The following C2CD3 variants were observed in gnomAD, a reference collection of about 807,000 sequenced individuals.
C2CD3 encodes the protein C2 domain-containing protein 3.
A neutral mutation model predicts 234.0 loss-of-function variants in C2CD3; 148 were observed. That is an observed-to-expected ratio of 0.63 (90% confidence interval 0.55 to 0.72). The LOEUF (loss-of-function observed/expected upper bound fraction) is 0.72. Ranked by LOEUF, C2CD3 falls within the 30% of genes least tolerant of loss-of-function variation. The pLI is 0.00. For missense variants in C2CD3, 2,577 were observed against 2,811.5 expected (o/e 0.92, Z 1.89); for synonymous variants, 1,000 against 1,035.4 (o/e 0.97, Z 0.66).
chr11:74,085,309 T>C (rs895649440), intron 21 of C2CD3, among the ~76,000 whole-genome samples: 2 of 152,090 alleles, frequency 1.3e-5, no homozygotes, highest in Non-Finnish European at 2.9e-5. Flanking sequence ...GCCCATTTTT[T>C]AAATTAAATG....
At chr11:74,037,091 T>C (rs916388122) in intron 30 of C2CD3, among the ~76,000 whole-genome samples, 2 of 152,218 alleles carry the variant, frequency 1.3e-5, no homozygotes, top group Non-Finnish European at 2.9e-5. Context: ...TGTTTATTGT[T>C]CATTATTTTC....
intron 13 of C2CD3, among the ~76,000 whole-genome samples, chr11:74,104,764 T>C (rs942102135): frequency 5.3e-5 from 8 of 152,224 alleles, no homozygotes; most frequent in African/African-American, 1.9e-4. Flanking sequence ...TTCTTCGATC[T>C]GAAATCCTAA....
intron 3 of C2CD3, among the ~76,000 whole-genome samples, chr11:74,145,484 G>A (rs968211703): frequency 2.0e-5 from 3 of 151,996 alleles, no homozygotes; most frequent in Non-Finnish European, 2.9e-5. Context: ...GTATAGCTTG[G>A]AAATATTTTC....
rs562791284 is a variant in C2CD3, at chr11:74,114,527, C to T, written c.1587G>A (p.Val529=). The change falls in exon 10 of 33, where the codon GTG becomes GTA. Residue 529 remains valine (V), a synonymous_variant. Transcript: ENST00000334126. ...PEDAQTMTLS[V]DRLALLGRTH... ...TTCTACCCAAAAGGGCCAGTCTATC[C>T]ACACTTAGTGTCATCGTTTGGGCAT... 6.2e-7 allele frequency: 1 copy of T among 1,613,924 alleles called. No homozygotes were observed. Among genetic ancestry groups the T allele is most frequent in the Admixed American group, 1.7e-5 (1 of 60,002 alleles).
rs552882127 is a variant in C2CD3, at chr11:74,061,211, T to C, written c.4952-3667A>G. 9.2e-5 allele frequency among the ~76,000 whole-genome samples: 14 copies of C among 152,288 alleles called. No homozygotes were observed. In the South Asian group the frequency reaches 1.0e-3, roughly 11 times the overall value. The stretch of plus-strand genomic sequence containing the variant: ...AGTTGGAAAACACTCTTCAGAATAT[T>C]ATCCAGGAGAACTTCCCCAACCTAG... On this transcript the variant is annotated intron_variant, in intron 24 of 32. Transcript: ENST00000334126.
chr11:74,019,683 A>ATTT (rs879892933), intron 32 of C2CD3, among the ~76,000 whole-genome samples: 3 of 148,876 alleles, frequency 2.0e-5, no homozygotes, highest in African/African-American at 7.4e-5. Flanking sequence ...CAAAGGATAG[A>ATTT]TTTTTTTTTT....
chr11:74,062,001 C>T (rs1347690897), intron 24 of C2CD3, among the ~76,000 whole-genome samples: 2 of 151,872 alleles, frequency 1.3e-5, no homozygotes, highest in East Asian at 3.8e-4. Context: ...AGACTTTAAA[C>T]CAACAAAGAT....
chr11:74,091,939 A>G (rs1280808996), intron 19 of C2CD3, among the ~76,000 whole-genome samples: 2 of 152,124 alleles, frequency 1.3e-5, no homozygotes, highest in Non-Finnish European at 2.9e-5. Context: ...TTTTCATCAG[A>G]TCCTCAAAAG....
At position 74,078,618 on chromosome 11, in the gene C2CD3, A is replaced by C. The variant is rs772838376; in HGVS notation, c.4100T>G (p.Ile1367Ser). 1 of 1,614,204 alleles carries C rather than the reference A, an allele frequency of 6.2e-7. No individual in the cohort carries two copies. The highest frequency in any genetic ancestry group is 1.1e-5 in the South Asian group (1 of 91,086). Reference protein sequence around the residue: ...QKIVGGLELSISFTHRGDRER... With the variant: ...QKIVGGLELSSSFTHRGDRER... ...TCTATCTCCACGATGCGTGAAGGAA[A>C]TCGAAAGCTCCAGACCACCCACGAT... Residue 1367 changes from isoleucine (I) to serine (S), a missense_variant, in exon 23 of 33, where the codon ATT becomes AGT. Transcript: ENST00000334126.
chr11:74,111,549 T>C (rs907556414), intron 11 of C2CD3, among the ~76,000 whole-genome samples: 10 of 152,328 alleles, frequency 6.6e-5, no homozygotes, highest in Admixed American at 3.3e-4. Context: ...TTAATGTATA[T>C]GCAAATATTC....
chr11:74,019,336 T>C (rs1274522360), intron 32 of C2CD3, among the ~76,000 whole-genome samples: 2 of 152,242 alleles, frequency 1.3e-5, no homozygotes. Context: ...CAATTTTGGC[T>C]GTTTCTCCTG....
chr11:74,020,943 A>T (rs1292438053), intron 32 of C2CD3, among the ~76,000 whole-genome samples: 1 of 152,240 alleles, frequency 6.6e-6, no homozygotes, highest in Non-Finnish European at 1.5e-5. Flanking sequence ...GGAGCAAGGG[A>T]AGCAGCAGAA....
intron 7 of C2CD3, among the ~76,000 whole-genome samples, chr11:74,126,506 G>T (rs1957418422): frequency 6.6e-6 from 1 of 152,176 alleles, no homozygotes; most frequent in African/African-American, 2.4e-5. Flanking sequence ...ACTTTGGGAG[G>T]CCGAGGCCGG....
intron 32 of C2CD3, among the ~76,000 whole-genome samples, chr11:74,026,748 T>C (rs1387779759): frequency 1.3e-5 from 2 of 152,036 alleles, no homozygotes; most frequent in Non-Finnish European, 2.9e-5. Flanking sequence ...GGCAGGCAGA[T>C]CATGAGGTCA....
intron 3 of C2CD3, among the ~76,000 whole-genome samples, chr11:74,152,388 A>G (rs183095123): frequency 6.6e-6 from 1 of 152,354 alleles, no homozygotes; most frequent in Non-Finnish European, 1.5e-5. Context: ...TACTATATAA[A>G]TTAAAGTGGT....
chr11:74,078,740 C>A, intron 22 of C2CD3, 23 bp from the exon 23 acceptor site: 1 of 1,553,638 alleles, frequency 6.4e-7, no homozygotes, highest in Non-Finnish European at 8.7e-7. Flanking sequence ...AATAAAGATT[C>A]TCAATTATAG....
chr11:74,096,979 A>G (rs1010962447), intron 16 of C2CD3, among the ~76,000 whole-genome samples: 28 of 152,084 alleles, frequency 1.8e-4, no homozygotes, highest in African/African-American at 6.3e-4. Flanking sequence ...GTGAAATCCC[A>G]TCTCTACTAA....
rs748898911 is a variant in C2CD3, at chr11:74,095,282, G to C, written c.3106C>G (p.Pro1036Ala). ...ACACTGGATTGAGAGTGTTGAACTG[G>C]AAAGTAGTACTGGACATAACAATCT... ...EADCYVQYYF[P>A]VQHSQSSVLK... is the part of the protein sequence containing the mutation. Residue 1036 changes from proline (P) to alanine (A), a missense_variant, in exon 17 of 33, where the codon CCA (proline) becomes GCA (alanine). Transcript: ENST00000334126. 6.2e-7 allele frequency: 1 copy of C among 1,613,790 alleles called. No individual in the cohort carries two copies. Among genetic ancestry groups the C allele is most frequent in the Admixed American group, 1.7e-5 (1 of 60,008 alleles).
Position 74,132,824 on chromosome 11 carries a change from AG to A in C2CD3, c.1217+19del, listed in dbSNP as rs1277967951. 1.2e-6 allele frequency: 2 copies of A among 1,607,534 alleles called. No homozygotes were observed. The highest frequency in any genetic ancestry group is 2.2e-5 in the South Asian group (2 of 89,708). ...TGGAGGAAGAGTTTAAAAGGAAGAA[AG>A]CCAGTTAATAGTGCTTACCTGCCTA... On this transcript the variant is annotated intron_variant, in intron 7 of 32. Transcript: ENST00000334126.
Sources: gnomAD v4.1 joint callset for allele counts (sites outside exome capture counted in the v4.1 genomes callset) on GRCh38, gnomAD v4.1.1 for gene constraint, MANE v1.5 for transcripts, NCBI Gene and HGNC (gene_info 2026-07-23, HGNC 2026-07-21) for gene names.